The following C16orf92 variants were observed in gnomAD, a reference collection of about 807,000 sequenced individuals.
C16orf92 encodes fertilization-influencing membrane protein 1.
A neutral mutation model predicts 13.7 loss-of-function variants in C16orf92; 14 were observed. The observed-to-expected ratio is 1.02, with a 90% CI of 0.67 to 1.60. The LOEUF is 1.60. Ranked by LOEUF, C16orf92 falls within the 40% of genes most tolerant of loss-of-function variation. The pLI is 0.00. For synonymous variants in C16orf92, 50 were observed against 57.4 expected, an observed-to-expected ratio of 0.87 and a Z score of 0.58; for missense variants, 116 against 139.0, an observed-to-expected ratio of 0.83 and a Z score of 0.83.
At chr16:30,027,229 A>G, downstream of C16orf92, 1 of 457,570 alleles carries the variant, frequency 2.2e-6, no homozygotes, top group Non-Finnish European at 4.4e-6. Flanking sequence ...AGGACCAGCA[A>G]CAGCTGAAGG....
At chr16:30,025,746 G>A, downstream of C16orf92, 2 of 1,614,162 alleles carry the variant, frequency 1.2e-6, no homozygotes, top group Non-Finnish European at 1.7e-6. This position sits in a 1 kb window ranked among gnomAD's most constrained non-coding sequence, Gnocchi z 4.1. Context: ...ATCTTGCCAA[G>A]GCAGACGAAG....
downstream of C16orf92, chr16:30,025,221 G>C: frequency 1.3e-6 from 2 of 1,506,934 alleles, no homozygotes; most frequent in East Asian, 5.0e-5. This position sits in a 1 kb window ranked among gnomAD's most constrained non-coding sequence, Gnocchi z 4.1. Context: ...GGCCGGGAGC[G>C]GGGCCAGAAG....
At chr16:30,025,368 C>G, downstream of C16orf92, 1 of 1,605,390 alleles carries the variant, frequency 6.2e-7, no homozygotes, top group Non-Finnish European at 8.5e-7. The surrounding 1 kb of genome is among the most constrained non-coding windows in gnomAD (Gnocchi z 4.1). Flanking sequence ...CGCCCGTAGG[C>G]CCAGTACAGG....
downstream of C16orf92, chr16:30,025,414 G>T: frequency 6.2e-7 from 1 of 1,612,294 alleles, no homozygotes; most frequent in East Asian, 2.2e-5. The surrounding 1 kb of genome is among the most constrained non-coding windows in gnomAD (Gnocchi z 4.1). Flanking sequence ...AGAGGAAGCT[G>T]AGCAGCATCA....
downstream of C16orf92, chr16:30,025,514 C>T: frequency 6.2e-7 from 1 of 1,602,794 alleles, no homozygotes; most frequent in Non-Finnish European, 8.5e-7. The surrounding 1 kb of genome is among the most constrained non-coding windows in gnomAD (Gnocchi z 4.1). Context: ...AGGGCTCGGC[C>T]CCCCTTGGCC....
intron 1 of C16orf92, 156 bp downstream of exon 1, chr16:30,023,560 G>GC: frequency 7.0e-7 from 1 of 1,425,998 alleles, no homozygotes; most frequent in African/African-American, 1.4e-5. Flanking sequence ...CCCAACAACC[G>GC]CGAGCCTTGT....
At chr16:30,025,350 C>G, downstream of C16orf92, 1 of 1,591,738 alleles carries the variant, frequency 6.3e-7, no homozygotes. The surrounding 1 kb of genome is among the most constrained non-coding windows in gnomAD (Gnocchi z 4.1). Context: ...AGGGGCAGGC[C>G]GGCATGGCGC....
Position 30,023,420 on chromosome 16 carries a change from G to A in C16orf92, c.64+16G>A, listed in dbSNP as rs1393802581. 1 of 1,609,684 alleles carries A rather than the reference G, an allele frequency of 6.2e-7. No individual in the cohort carries two copies. Among genetic ancestry groups the A allele is most frequent in the East Asian group, 2.2e-5 (1 of 44,782 alleles). On this transcript the variant is annotated intron_variant, in intron 1 of 3. Coordinates refer to ENST00000681219, the MANE Select transcript of C16orf92 (RefSeq NM_001109659.2). ...ATAGAAACTGGTAAGAAGCTGTCTTGGGAGCAGCAGGAAGGCAGGCAGCTC... is the reference window on the plus strand; with the variant it reads ...ATAGAAACTGGTAAGAAGCTGTCTTAGGAGCAGCAGGAAGGCAGGCAGCTC...
rs1370598454 is a variant in C16orf92, at chr16:30,023,623, C to A, written c.65-104C>A. The stretch of plus-strand genomic sequence containing the variant: ...AAATCAAGACCCTCCACAGCCTCTG[C>A]AATAAGGCTGGGTGGTCTCACAGGG... On this transcript the variant is annotated intron_variant, in intron 1 of 3. Transcript: ENST00000681219. The A allele has an allele frequency of 3.8e-6, 6 of 1,586,618 alleles. No individual in the cohort carries two copies. The Admixed American group carries it at 1.0e-4, about 27-fold the overall frequency.
chr16:30,025,538 C>T (rs554393954), downstream of C16orf92: 3 of 1,587,346 alleles, frequency 1.9e-6, no homozygotes, highest in African/African-American at 2.7e-5. This position sits in a 1 kb window ranked among gnomAD's most constrained non-coding sequence, Gnocchi z 4.1. Flanking sequence ...TCCCTGCCTC[C>T]CTGCGACCCT....
At chr16:30,025,077 G>A (rs1279413221), downstream of C16orf92, 1 of 742,600 alleles carries the variant, frequency 1.3e-6, no homozygotes, top group Non-Finnish European at 2.1e-6. This position sits in a 1 kb window ranked among gnomAD's most constrained non-coding sequence, Gnocchi z 4.1. Flanking sequence ...TCAGTCCTGG[G>A]GTTGTCCGGG....
At position 30,023,337 on chromosome 16, in the gene C16orf92, A is replaced by C. The variant is rs762393682; in HGVS notation, c.-4A>C. 1 of 1,599,338 alleles carries C rather than the reference A, an allele frequency of 6.3e-7. No individual in the cohort carries two copies. Among genetic ancestry groups the C allele is most frequent in the Admixed American group, 1.7e-5 (1 of 57,232 alleles). On this transcript the variant is annotated 5_prime_UTR_variant, in exon 1 of 4. Transcript: ENST00000681219. The stretch of plus-strand genomic sequence containing the variant: ...CACAGAGCCCCCACCTCATGATAGG[A>C]GTCATGAGGCTGTGGCCATGGGTGC...
At chr16:30,025,368 C>T (rs1013688698), downstream of C16orf92, 2 of 1,605,390 alleles carry the variant, frequency 1.2e-6, no homozygotes, top group Non-Finnish European at 1.7e-6. This position sits in a 1 kb window ranked among gnomAD's most constrained non-coding sequence, Gnocchi z 4.1. Flanking sequence ...CGCCCGTAGG[C>T]CCAGTACAGG....
chr16:30,026,594 C>T, downstream of C16orf92: 1 of 1,606,310 alleles, frequency 6.2e-7, no homozygotes, highest in East Asian at 2.2e-5. Flanking sequence ...GCCCGCCCAG[C>T]TCCCCGGGAC....
At chr16:30,024,948 C>A (rs1021106177), downstream of C16orf92, 3 of 463,074 alleles carry the variant, frequency 6.5e-6, no homozygotes, top group East Asian at 7.0e-5. Flanking sequence ...GAGGCGGTGC[C>A]CCCTCCCCTC....
At chr16:30,025,813 T>C (rs1200555384), downstream of C16orf92, 3 of 1,613,634 alleles carry the variant, frequency 1.9e-6, no homozygotes, top group Admixed American at 1.7e-5. This position sits in a 1 kb window ranked among gnomAD's most constrained non-coding sequence, Gnocchi z 4.1. Flanking sequence ...CCTTACCCTG[T>C]CGCCACACCT....
In C16orf92 at chr16:30,024,597, G is replaced by A. The variant is rs899003943; in HGVS notation, c.*370G>A. 23 of 301,702 alleles carry A rather than the reference G, an allele frequency of 7.6e-5. No individual in the cohort carries two copies. The highest frequency in any genetic ancestry group is 1.1e-4 in the African/African-American group (5 of 46,622). 18.7% of individuals were successfully genotyped at this position (301,702 alleles called of 1,614,324 possible). ...GGACTGGGCGCCCTCGCCTGCCCCC[G>A]GGGTTGTCAGCACTGGGAAGGCTTG... On this transcript the variant is annotated 3_prime_UTR_variant, in exon 4 of 4. Transcript: ENST00000681219.
In C16orf92 at chr16:30,024,495, T is replaced by G; in HGVS notation, c.*268T>G. On this transcript the variant is annotated 3_prime_UTR_variant, in exon 4 of 4. Transcript: ENST00000681219. The stretch of plus-strand genomic sequence containing the variant: ...CCTCCCAGGGTCCCCCGACCCCAGA[T>G]TGGAGGAAGCCTTGAGAGGTCAGTA... 1 of 539,066 alleles carries G rather than the reference T, an allele frequency of 1.9e-6. No homozygotes were observed. Among genetic ancestry groups the G allele is most frequent in the Non-Finnish European group, 3.3e-6 (1 of 303,944 alleles). 33.4% of individuals were successfully genotyped at this position (539,066 alleles called of 1,614,324 possible).
chr16:30,025,224 G>A (rs776085071), downstream of C16orf92: 1 of 1,517,296 alleles, frequency 6.6e-7, no homozygotes, highest in Admixed American at 2.4e-5. The surrounding 1 kb of genome is among the most constrained non-coding windows in gnomAD (Gnocchi z 4.1). Context: ...CGGGAGCGGG[G>A]CCAGAAGAGG....
Sources: allele counts gnomAD v4.1 joint callset, GRCh38; gene constraint gnomAD v4.1.1; non-coding constraint Gnocchi (gnomAD v3.1); transcripts MANE v1.5; gene names NCBI Gene and HGNC (gene_info 2026-07-23, HGNC 2026-07-21).